The following EQTN variants were observed in gnomAD, a reference collection of about 807,000 sequenced individuals.
EQTN encodes the protein Acrosome formation associated factor.
EQTN carries 29 observed loss-of-function variants against 26.9 expected under a neutral mutation model. The ratio of observed to expected loss-of-function variants is 1.08; its 90% CI spans 0.80 to 1.47. EQTN has a LOEUF of 1.47. Ranked by LOEUF, EQTN falls within the 40% of genes most tolerant of loss-of-function variation. The pLI is 0.00. For missense variants in EQTN, 391 were observed against 346.1 expected (o/e 1.13, Z -1.03); for synonymous variants, 129 against 120.0 (o/e 1.07, Z -0.49).
chr9:27,286,425 G>T (rs183363634), intron 6 of EQTN, 63 bp from the exon 7 acceptor site: 1 of 1,492,774 alleles, frequency 6.7e-7, no homozygotes, highest in Non-Finnish European at 9.1e-7. Context: ...AAGGAGTAAA[G>T]ATTGCAAAGC....
intron 1 of EQTN, 59 bp downstream of exon 1, chr9:27,296,921 T>G: frequency 1.3e-6 from 2 of 1,582,950 alleles, no homozygotes; most frequent in Non-Finnish European, 1.7e-6. Flanking sequence ...CAATTTTTCA[T>G]GATTATGGGT....
At chr9:27,285,639 C>A (rs1820104189) in intron 7 of EQTN, among the ~76,000 whole-genome samples, 2 of 152,058 alleles carry the variant, frequency 1.3e-5, no homozygotes, top group African/African-American at 4.8e-5. Flanking sequence ...AGAAATACAC[C>A]ATTCGTCAAA....
At chr9:27,290,277 G>A (rs1014648604) in intron 5 of EQTN, among the ~76,000 whole-genome samples, 5 of 151,728 alleles carry the variant, frequency 3.3e-5, no homozygotes, top group Admixed American at 6.6e-5. Context: ...TTTACAGAAC[G>A]AGAGCTGAAT....
intron 1 of EQTN, 89 bp downstream of exon 1, chr9:27,296,891 T>G (rs1485220357): frequency 6.4e-7 from 1 of 1,564,650 alleles, no homozygotes; most frequent in East Asian, 2.3e-5. Context: ...TATATCCTCC[T>G]GTAGAAAACT....
intron 6 of EQTN, among the ~76,000 whole-genome samples, 165 bp downstream of exon 6, chr9:27,289,507 C>A (rs1292478696): frequency 6.6e-6 from 1 of 152,140 alleles, no homozygotes; most frequent in Non-Finnish European, 1.5e-5. Flanking sequence ...TGCCACCGTG[C>A]CCACCTAATT....
chr9:27,287,784 A>G (rs1000579643), intron 6 of EQTN, among the ~76,000 whole-genome samples: 2 of 152,170 alleles, frequency 1.3e-5, no homozygotes, highest in African/African-American at 4.8e-5. Context: ...ACAAAGAAGG[A>G]TCACTCAATT....
At position 27,289,747 on chromosome 9, in the gene EQTN, G is replaced by T. The variant is rs748907309; in HGVS notation, c.422-16C>A. 2 of 1,595,914 alleles carry T rather than the reference G, an allele frequency of 1.3e-6. No homozygotes were observed. The highest frequency in any genetic ancestry group is 2.7e-5 in the African/African-American group (2 of 74,576). On this transcript the variant is annotated splice_polypyrimidine_tract_variant and intron_variant, in intron 5 of 7. Coordinates refer to ENST00000380032, the MANE Select transcript of EQTN (RefSeq NM_020641.3). ...CCATTTATAGCTGTTAAAACAAATT[G>T]GGGTTATGGTAAACAACGTTCACTT...
At position 27,296,641 on chromosome 9, in the gene EQTN, A is replaced by AT. The variant is rs770568841; in HGVS notation, c.173dup (p.Asn58LysfsTer6). The AT allele has an allele frequency of 3.8e-6, 6 of 1,564,714 alleles. No homozygotes were observed. The highest frequency in any genetic ancestry group is 1.1e-5 in the South Asian group (1 of 88,414). On this transcript the variant is annotated frameshift_variant, in exon 2 of 8. Coordinates refer to ENST00000380032, the MANE Select transcript of EQTN (RefSeq NM_020641.3). LOFTEE classifies it high-confidence loss of function. ...GTTTTATATCTTTATAATAATTGCC[A>AT]TTTTTCTCATTAGCAGGAGCATAAT... is the stretch of plus-strand genomic sequence containing the variant.
At chr9:27,289,816 G>C (rs1226166630) in intron 5 of EQTN, 85 bp from the exon 6 acceptor site, 1 of 952,114 alleles carries the variant, frequency 1.1e-6, no homozygotes, top group Non-Finnish European at 1.6e-6. Context: ...TATAATTATA[G>C]TACCCAGTGT....
chr9:27,287,888 C>T (rs1404316912), intron 6 of EQTN, among the ~76,000 whole-genome samples: 1 of 152,224 alleles, frequency 6.6e-6, no homozygotes, highest in Non-Finnish European at 1.5e-5. Context: ...ACTGCAACCT[C>T]TGCCTCCCGG....
intron 7 of EQTN, among the ~76,000 whole-genome samples, chr9:27,285,395 G>C (rs1057059675): frequency 2.0e-5 from 3 of 151,982 alleles, no homozygotes; most frequent in African/African-American, 7.3e-5. Flanking sequence ...ACCTGCCTTG[G>C]CCTCCCAAAG....
chr9:27,285,437 C>T (rs573207958), intron 7 of EQTN, among the ~76,000 whole-genome samples: 11 of 152,216 alleles, frequency 7.2e-5, no homozygotes, highest in East Asian at 3.9e-4. Context: ...CCACCACGCC[C>T]GGCCTAGTTT....
chr9:27,287,012 G>C (rs1453181179), intron 6 of EQTN, among the ~76,000 whole-genome samples: 1 of 152,096 alleles, frequency 6.6e-6, no homozygotes, highest in Non-Finnish European at 1.5e-5. Flanking sequence ...GAGATATCAA[G>C]AGTCTTTTTT....
rs952079837 is a variant in EQTN, at chr9:27,284,980, A to G, written c.636-8T>C. 9.3e-6 allele frequency: 15 copies of G among 1,606,236 alleles called. No homozygotes were observed. The highest frequency in any genetic ancestry group is 1.3e-5 in the African/African-American group (1 of 74,626). Reference sequence around the variant, plus strand: ...CTCTCACAACTTTTATAACTGAAGAAGAAAAGAACATATATCAAGAATTGT... The same window carrying G: ...CTCTCACAACTTTTATAACTGAAGAGGAAAAGAACATATATCAAGAATTGT... On this transcript the variant is annotated splice_region_variant and splice_polypyrimidine_tract_variant and intron_variant, in intron 7 of 7. Coordinates refer to ENST00000380032, the MANE Select transcript of EQTN (RefSeq NM_020641.3).
intron 6 of EQTN, among the ~76,000 whole-genome samples, chr9:27,287,087 C>A (rs1359398397): frequency 6.6e-6 from 1 of 152,034 alleles, no homozygotes; most frequent in Non-Finnish European, 1.5e-5. Context: ...GAATATATAT[C>A]TGACTTAATA....
chr9:27,294,746 G>A (rs966440390), intron 2 of EQTN, among the ~76,000 whole-genome samples: 13 of 152,066 alleles, frequency 8.5e-5, no homozygotes, highest in Admixed American at 4.6e-4. Context: ...TCAAAAAACC[G>A]GGTAAGAAGC....
rs571173833 is a variant in EQTN at position 27,289,594 on chromosome 9, C to T, written c.481+78G>A. 826 of 1,246,918 alleles carry T rather than the reference C, an allele frequency of 6.6e-4. 1 individual carries two copies. The highest frequency in any genetic ancestry group is 8.3e-4 in the Non-Finnish European group (737 of 883,890). The allele number at this position is 1,246,918 out of a possible 1,614,324, so 77.2% of individuals were successfully genotyped here. A position where few individuals can be genotyped will look rare whatever the true frequency, so the allele number is the denominator to read the frequency against. ...CGAACTCCTGGACTCAAGCGATCCA[C>T]CTGCCTCAGCCTCCCAAAGTGCTGG... On this transcript the variant is annotated intron_variant, in intron 6 of 7. Transcript: ENST00000380032.
intron 2 of EQTN, 96 bp downstream of exon 2, chr9:27,296,517 T>C (rs1820347435): frequency 1.1e-6 from 1 of 882,352 alleles, no homozygotes; most frequent in Non-Finnish European, 1.7e-6. Flanking sequence ...ACCCAACAAA[T>C]ACAGGGGGAA....
chr9:27,286,337 T>C lies in EQTN; in HGVS notation c.507A>G (p.Gly169=). 1 of 1,600,378 alleles carries C rather than the reference T, an allele frequency of 6.2e-7. No homozygotes were observed. Among genetic ancestry groups the C allele is most frequent in the Non-Finnish European group, 8.5e-7 (1 of 1,172,766 alleles). The part of the protein sequence containing the change: ...IPESDVNATQ[G]ENQPDLEDLK... ...GATCCTCTAGATCTGGCTGATTTTCTCCCTGTGTAGCATTCACATCAGACT... is the reference window on the plus strand; with the variant it reads ...GATCCTCTAGATCTGGCTGATTTTCCCCCTGTGTAGCATTCACATCAGACT... Residue 169 remains glycine (G), a synonymous_variant, in exon 7 of 8, where the codon GGA becomes GGG. Transcript: ENST00000380032.
Sources: gnomAD v4.1 joint callset for allele counts (sites outside exome capture counted in the v4.1 genomes callset) on GRCh38, gnomAD v4.1.1 for gene constraint, MANE v1.5 for transcripts, NCBI Gene and HGNC (gene_info 2026-07-23, HGNC 2026-07-21) for gene names.